Variants in WWC1 observed in about 807,000 individuals in gnomAD.
WWC1 encodes WW and C2 domain containing 1.
WWC1 carries 55 observed loss-of-function variants against 138.4 expected under a neutral mutation model. The ratio of observed to expected loss-of-function variants is 0.40; its 90% CI spans 0.32 to 0.50. WWC1 has a LOEUF of 0.50. Ranked by LOEUF, WWC1 falls within the 20% of genes least tolerant of loss-of-function variation. The pLI, the probability that WWC1 is intolerant of heterozygous loss-of-function variation, is 0.72. For synonymous variants in WWC1, 524 were observed against 564.9 expected (o/e 0.93, Z 1.03); for missense variants, 1,226 against 1,420.4 (o/e 0.86, Z 2.20).
Position 168,371,437 on chromosome 5 carries a change from C to T in WWC1, c.133C>T (p.Leu45Phe), listed in dbSNP as rs761461705. 1.2e-6 allele frequency: 2 copies of T among 1,614,018 alleles called. No individual in the cohort carries two copies. Among genetic ancestry groups the T allele is most frequent in the Admixed American group, 1.7e-5 (1 of 60,020 alleles). The change falls in exon 2 of 23, where the codon CTC becomes TTC. Residue 45 changes from leucine to phenylalanine, a missense_variant. Coordinates refer to ENST00000265293, the MANE Select transcript of WWC1 (RefSeq NM_015238.3). ...IDPRDRYTKP[L>F]TFADCISDEL... ...CTCCCTTGCCAGGTACACCAAACCGCTCACCTTTGCTGACTGCATTAGTGA... is the reference window on the plus strand; with the variant it reads ...CTCCCTTGCCAGGTACACCAAACCGTTCACCTTTGCTGACTGCATTAGTGA...
At chr5:168,383,267 A>T (rs1274768310) in intron 2 of WWC1, among the ~76,000 whole-genome samples, 2 of 152,160 alleles carry the variant, frequency 1.3e-5, no homozygotes, top group African/African-American at 4.8e-5. Flanking sequence ...TTTTACTTTC[A>T]CTATCATTTG....
chr5:168,435,925 C>G (rs190939569), intron 15 of WWC1, among the ~76,000 whole-genome samples: 20 of 152,162 alleles, frequency 1.3e-4, no homozygotes, highest in African/African-American at 4.6e-4. Context: ...TCACTGCAAC[C>G]TCCGCTTCCC....
At chr5:168,376,234 A>G (rs767803501) in intron 2 of WWC1, among the ~76,000 whole-genome samples, 2 of 151,904 alleles carry the variant, frequency 1.3e-5, no homozygotes, top group Non-Finnish European at 2.9e-5. Context: ...TTGTATTTTT[A>G]GTAGAGATGG....
Position 168,470,343 on chromosome 5 carries a change from T to G in WWC1, c.*1326T>G, listed in dbSNP as rs1757618193. The G allele has an allele frequency of 6.6e-6, 1 of 152,178 alleles. No homozygotes were observed. The highest frequency in any genetic ancestry group is 2.1e-4 in the South Asian group (1 of 4,830). 9.4% of individuals were successfully genotyped at this position (152,178 alleles called of 1,614,324 possible). Reference sequence around the variant, plus strand: ...AAAATGCAGACTGTTGAGACCATCCTGGCTAACACGGTGAAACCCTGTCTC... The same window carrying G: ...AAAATGCAGACTGTTGAGACCATCCGGGCTAACACGGTGAAACCCTGTCTC... On this transcript the variant is annotated 3_prime_UTR_variant, in exon 23 of 23. Coordinates refer to ENST00000265293, the MANE Select transcript of WWC1 (RefSeq NM_015238.3).
intron 1 of WWC1, among the ~76,000 whole-genome samples, chr5:168,321,789 T>C (rs1361954741): frequency 6.6e-6 from 1 of 152,184 alleles, no homozygotes; most frequent in Non-Finnish European, 1.5e-5. Flanking sequence ...CGCCTGCCTC[T>C]GCCTCCCAAA....
At chr5:168,365,072 G>A (rs1776183056) in intron 1 of WWC1, among the ~76,000 whole-genome samples, 1 of 152,208 alleles carries the variant, frequency 6.6e-6, no homozygotes, top group Non-Finnish European at 1.5e-5. Context: ...GACTTCAAAC[G>A]TTGCCTTTCT....
At chr5:168,313,937 G>T (rs996612908) in intron 1 of WWC1, among the ~76,000 whole-genome samples, 1 of 152,210 alleles carries the variant, frequency 6.6e-6, no homozygotes, top group Admixed American at 6.5e-5. Context: ...ATTGATAGGG[G>T]TTCACACCTG....
At chr5:168,408,693 A>G in intron 7 of WWC1, 40 bp downstream of exon 7, 1 of 1,609,948 alleles carries the variant, frequency 6.2e-7, no homozygotes, top group Non-Finnish European at 8.5e-7. Context: ...CTTCCACAGG[A>G]TGGCAGCTGG....
At chr5:168,341,663 C>T (rs1774046212) in intron 1 of WWC1, among the ~76,000 whole-genome samples, 1 of 151,192 alleles carries the variant, frequency 6.6e-6, no homozygotes. Flanking sequence ...GGGAGAATAT[C>T]ATTCCTCTTC....
intron 2 of WWC1, among the ~76,000 whole-genome samples, chr5:168,381,962 G>A (rs1259337002): frequency 1.3e-5 from 2 of 151,920 alleles, no homozygotes; most frequent in African/African-American, 4.8e-5. Flanking sequence ...AAAATTGTAA[G>A]TGTGTGTACC....
chr5:168,377,114 AGAAT>A, intron 2 of WWC1, among the ~76,000 whole-genome samples: 1 of 152,212 alleles, frequency 6.6e-6, no homozygotes, highest in Non-Finnish European at 1.5e-5. Flanking sequence ...TAGAGAATTT[AGAAT>A]AAAGCCGCAC....
At chr5:168,424,799 TG>T (rs1781377748) in intron 11 of WWC1, among the ~76,000 whole-genome samples, 1 of 152,332 alleles carries the variant, frequency 6.6e-6, no homozygotes, top group South Asian at 2.1e-4. Context: ...CTAATTGCAC[TG>T]GGGACCCATG....
At chr5:168,423,310 T>C (rs886071425) in intron 10 of WWC1, among the ~76,000 whole-genome samples, 2 of 152,142 alleles carry the variant, frequency 1.3e-5, no homozygotes, top group Non-Finnish European at 2.9e-5. Flanking sequence ...AAGTGGACTT[T>C]TAAGGCAGCT....
At chr5:168,330,512 C>T (rs542107185) in intron 1 of WWC1, among the ~76,000 whole-genome samples, 9 of 152,234 alleles carry the variant, frequency 5.9e-5, no homozygotes, top group African/African-American at 2.2e-4. Flanking sequence ...GTCAATTGTT[C>T]TTGAGGTCAC....
chr5:168,329,987 G>C (rs1581936121), intron 1 of WWC1, among the ~76,000 whole-genome samples: 1 of 152,134 alleles, frequency 6.6e-6, no homozygotes, highest in Non-Finnish European at 1.5e-5. Flanking sequence ...GCAGGCGTAT[G>C]TAGCCACAGC....
intron 1 of WWC1, among the ~76,000 whole-genome samples, chr5:168,358,863 C>T (rs1269587738): frequency 6.6e-6 from 1 of 151,882 alleles, no homozygotes; most frequent in African/African-American, 2.4e-5. Context: ...GTATAACAAA[C>T]CTTATCTCCA....
chr5:168,392,083 G>A (rs961554312), intron 3 of WWC1, among the ~76,000 whole-genome samples: 2 of 152,060 alleles, frequency 1.3e-5, no homozygotes, highest in African/African-American at 4.8e-5. Flanking sequence ...ATACAGTCAG[G>A]CAACCACCAT....
chr5:168,314,960 C>A (rs1771447254), intron 1 of WWC1, among the ~76,000 whole-genome samples: 2 of 152,186 alleles, frequency 1.3e-5, no homozygotes, highest in Admixed American at 1.3e-4. Context: ...CCAACACATT[C>A]CTGAGATAAC....
In WWC1 at chr5:168,328,952, G is replaced by T. The variant is rs7446633; in HGVS notation, c.119+36681G>T. Among the ~76,000 whole-genome samples, 985 of 152,286 alleles carry T rather than the reference G, an allele frequency of 6.5e-3. 14 individuals are homozygous for T. Among genetic ancestry groups the T allele is most frequent in the Non-Finnish European group, 7.5e-3 (511 of 68,034 alleles). ...CAGTCAGCACAGCTGGCATCCACCT[G>T]TCTGGGCTCCACCCCTCATCCACCT... On this transcript the variant is annotated intron_variant, in intron 1 of 22. Coordinates refer to ENST00000265293, the MANE Select transcript of WWC1 (RefSeq NM_015238.3).
Sources: gnomAD v4.1 joint callset for allele counts (sites outside exome capture counted in the v4.1 genomes callset) on GRCh38, gnomAD v4.1.1 for gene constraint, MANE v1.5 for transcripts, NCBI Gene and HGNC (gene_info 2026-07-23, HGNC 2026-07-21) for gene names.